Variants in MBD5 observed in about 807,000 individuals in gnomAD.
MBD5 encodes the protein methyl-CpG-binding domain protein 5.
MBD5 carries 13 observed loss-of-function variants against 117.3 expected under a neutral mutation model. The ratio of observed to expected loss-of-function variants is 0.11; its 90% CI spans 0.07 to 0.18. MBD5 has a LOEUF of 0.18. MBD5 is among the 10% of genes least tolerant of loss of function. The pLI, the probability that MBD5 is intolerant of heterozygous loss-of-function variation, is 1.00. For missense variants in MBD5, 1,879 were observed against 2,093.8 expected (o/e 0.90, Z 2.00); for synonymous variants, 727 against 766.4 (o/e 0.95, Z 0.85).
chr2:148,026,415 G>A (rs920783395), intron 1 of MBD5: 1 of 152,118 alleles, frequency 6.6e-6, no homozygotes, highest in African/African-American at 2.4e-5. Flanking sequence ...TGTAGATACA[G>A]ACCATTGTAC....
At chr2:148,132,335 T>TATATATATATACACATATATATATAC (rs1553475573) in intron 1 of MBD5, among the ~76,000 whole-genome samples, 63 of 5,568 alleles carry the variant, frequency 0.011, no homozygotes, top group Non-Finnish European at 5.0e-3. Context: ...TATATACATA[T>TATATATATATACACATATATATATAC]ATATATATAT....
intron 4 of MBD5, among the ~76,000 whole-genome samples, chr2:148,425,510 G>C (rs994283253): frequency 6.6e-6 from 1 of 151,692 alleles, no homozygotes; most frequent in African/African-American, 2.4e-5. Flanking sequence ...AATAGAAAAA[G>C]AGGGAATCCT....
At position 148,490,203 on chromosome 2, in the gene MBD5, A is replaced by G. The variant is rs1215059489; in HGVS notation, c.4571A>G (p.Asn1524Ser). 1.9e-6 allele frequency: 3 copies of G among 1,614,200 alleles called. No individual in the cohort carries two copies. The highest frequency in any genetic ancestry group is 2.5e-6 in the Non-Finnish European group (3 of 1,180,026). The change falls in exon 11 of 14, where the codon AAT becomes AGT. Residue 1524 changes from asparagine (N) to serine (S), a missense_variant. Physicochemically the swap from Asn to Ser is conservative, Grantham distance 46. Transcript: ENST00000642680. Reference sequence around the variant, plus strand: ...ACTGTGGAAAGATGTGCACACATAAATGGGAATAGACCTCGACAGAGTCGG... The same window carrying G: ...ACTGTGGAAAGATGTGCACACATAAGTGGGAATAGACCTCGACAGAGTCGG... The part of the protein sequence containing the change: ...ENTVERCAHI[N>S]GNRPRQSRGF...
At chr2:148,143,043 G>A (rs554839882) in intron 1 of MBD5, among the ~76,000 whole-genome samples, 8 of 152,164 alleles carry the variant, frequency 5.3e-5, no homozygotes, top group East Asian at 1.9e-4. Context: ...GCAATTATAC[G>A]GATGCAAAAG....
intron 3 of MBD5, among the ~76,000 whole-genome samples, chr2:148,256,817 G>A (rs1384951681): frequency 6.6e-6 from 1 of 152,248 alleles, no homozygotes; most frequent in African/African-American, 2.4e-5. Flanking sequence ...TAGGCCCCAT[G>A]ACCTTATCTT....
At chr2:148,191,294 C>A (rs1698822571) in intron 2 of MBD5, among the ~76,000 whole-genome samples, 1 of 15,320 alleles carries the variant, frequency 6.5e-5, no homozygotes, top group Admixed American at 6.4e-4. Flanking sequence ...CCCAAATCAA[C>A]AGAATATACA....
At chr2:148,436,619 G>A (rs111428229) in intron 4 of MBD5, among the ~76,000 whole-genome samples, 1 of 152,074 alleles carries the variant, frequency 6.6e-6, no homozygotes, top group Non-Finnish European at 1.5e-5. Flanking sequence ...TGATCTGCCT[G>A]CCTCAGCCTC....
At chr2:148,028,932 A>C (rs936350262) in intron 1 of MBD5, among the ~76,000 whole-genome samples, 1 of 152,112 alleles carries the variant, frequency 6.6e-6, no homozygotes, top group Non-Finnish European at 1.5e-5. Flanking sequence ...CATTTTAGAC[A>C]ATGTAATCTA....
chr2:148,284,392 T>A (rs1456561555), intron 3 of MBD5, among the ~76,000 whole-genome samples: 1 of 152,204 alleles, frequency 6.6e-6, no homozygotes, highest in African/African-American at 2.4e-5. Flanking sequence ...ATGCATTTTT[T>A]AAGAATTTTC....
chr2:148,132,126 A>T (rs1697062305), intron 1 of MBD5, among the ~76,000 whole-genome samples: 1 of 152,086 alleles, frequency 6.6e-6, no homozygotes, highest in African/African-American at 2.4e-5. Flanking sequence ...ATCTATTACA[A>T]GGCTTAAATG....
chr2:148,489,486 T>C lies in MBD5; in HGVS notation c.3854T>C (p.Phe1285Ser), dbSNP rs1482026363. ...PENPNTTLPPFQDTPCELQPR... is the reference protein window; with the variant it reads ...PENPNTTLPPSQDTPCELQPR... Reference sequence around the variant, plus strand: ...AATCCAAACACTACACTTCCACCTTTTCAAGATACACCTTGTGAGTTGCAA... The same window carrying C: ...AATCCAAACACTACACTTCCACCTTCTCAAGATACACCTTGTGAGTTGCAA... Residue 1285 changes from phenylalanine to serine, a missense_variant, in exon 11 of 14, where the codon TTT (phenylalanine) becomes TCT (serine). This residue lies in a region of MBD5 where 1,666 missense variants were observed against 1,792.2 expected (regional missense o/e 0.93). Transcript: ENST00000642680. 7.4e-6 allele frequency: 12 copies of C among 1,614,204 alleles called. No individual in the cohort carries two copies. Among genetic ancestry groups the C allele is most frequent in the Non-Finnish European group, 1.0e-5 (12 of 1,180,026 alleles).
chr2:148,328,096 G>T (rs553010063), intron 3 of MBD5, among the ~76,000 whole-genome samples: 61 of 152,158 alleles, frequency 4.0e-4, no homozygotes, highest in Admixed American at 7.2e-4. Context: ...TGGAGTACCC[G>T]GCCGTGTGAG....
intron 3 of MBD5, among the ~76,000 whole-genome samples, chr2:148,308,504 T>C (rs1442397635): frequency 1.6e-4 from 23 of 144,196 alleles, no homozygotes; most frequent in African/African-American, 5.0e-4. Flanking sequence ...TTTTTTTTTT[T>C]TTTTTTTTTT....
chr2:148,485,070 A>G (rs1303962735), intron 9 of MBD5: 1 of 152,206 alleles, frequency 6.6e-6, no homozygotes, highest in Non-Finnish European at 1.5e-5. Context: ...TCTCCTCAAG[A>G]AAATGTCAGA....
chr2:148,385,522 C>A (rs1320944118), intron 4 of MBD5, among the ~76,000 whole-genome samples: 1 of 152,054 alleles, frequency 6.6e-6, no homozygotes, highest in Non-Finnish European at 1.5e-5. Flanking sequence ...GAACTGTAAA[C>A]TGGTTCAACC....
chr2:148,252,641 C>A (rs939503274), intron 3 of MBD5, among the ~76,000 whole-genome samples: 4 of 152,108 alleles, frequency 2.6e-5, no homozygotes, highest in African/African-American at 9.7e-5. Context: ...CCTCGACCTC[C>A]CAGGCTCAGG....
chr2:148,493,566 T>C (rs958680509), intron 11 of MBD5, among the ~76,000 whole-genome samples: 2 of 152,304 alleles, frequency 1.3e-5, no homozygotes, highest in African/African-American at 4.8e-5. Context: ...TGGTCTCTGG[T>C]CTAAGGAAGT....
intron 3 of MBD5, among the ~76,000 whole-genome samples, chr2:148,332,709 A>G (rs1198577430): frequency 6.6e-6 from 1 of 151,982 alleles, no homozygotes; most frequent in Non-Finnish European, 1.5e-5. Flanking sequence ...AGCTATTAAG[A>G]TTTTCTATTT....
intron 1 of MBD5, among the ~76,000 whole-genome samples, chr2:148,101,299 A>G (rs1574013970): frequency 1.3e-5 from 2 of 152,046 alleles, no homozygotes; most frequent in African/African-American, 2.4e-5. Flanking sequence ...CGTTAAAATT[A>G]GAATTTAAAA....
Sources: gnomAD v4.1 joint callset for allele counts (sites outside exome capture counted in the v4.1 genomes callset) on GRCh38, gnomAD v4.1.1 for gene constraint, gnomAD v4.1.1 regional missense constraint, MANE v1.5 for transcripts, NCBI Gene and HGNC (gene_info 2026-07-23, HGNC 2026-07-21) for gene names.